Variants in TARP observed in about 807,000 individuals in gnomAD.
chr7:38,273,119 C>A, the TARP span, among the ~76,000 whole-genome samples: 3 of 150,320 alleles, frequency 2.0e-5, no homozygotes, highest in Admixed American at 6.7e-5. Flanking sequence ...ACAATAAATG[C>A]AGCTTATGTT....
the TARP span, among the ~76,000 whole-genome samples, chr7:38,266,326 A>G: frequency 7.0e-6 from 1 of 143,092 alleles, no homozygotes; most frequent in Non-Finnish European, 1.6e-5. Context: ...GTTGTTGTTG[A>G]GACTGGGGCT....
At chr7:38,262,992 A>T in the TARP span, among the ~76,000 whole-genome samples, 1 of 151,596 alleles carries the variant, frequency 6.6e-6, no homozygotes, top group Non-Finnish European at 1.5e-5. Flanking sequence ...CCACAACAGA[A>T]TCTTACATAT....
the TARP span, chr7:38,265,521 C>G: frequency 6.2e-7 from 1 of 1,612,128 alleles, no homozygotes; most frequent in African/African-American, 1.4e-5. Context: ...ATCCCAGAAT[C>G]GTGTTGCTCT....
chr7:38,264,136 A>G, the TARP span, among the ~76,000 whole-genome samples: 1 of 151,984 alleles, frequency 6.6e-6, no homozygotes, highest in African/African-American at 2.4e-5. Flanking sequence ...TATCTCCTTG[A>G]AAAGCACTTC....
At chr7:38,265,356 T>G in the TARP span, 10 of 1,609,436 alleles carry the variant, frequency 6.2e-6, no homozygotes, top group Non-Finnish European at 8.5e-6. Context: ...TACCTGTCTT[T>G]ATTGGAGGAA....
chr7:38,267,519 T>C, the TARP span, among the ~76,000 whole-genome samples: 4,349 of 151,092 alleles, frequency 0.029, 135 homozygotes, highest in East Asian at 0.13. Context: ...TGATAATTTC[T>C]GTCTGTGTAG....
chr7:38,271,512 CAAT>C, the TARP span, among the ~76,000 whole-genome samples: 1 of 149,704 alleles, frequency 6.7e-6, no homozygotes, highest in Non-Finnish European at 1.5e-5. Flanking sequence ...GAAATGAACT[CAAT>C]GATGCTAGTT....
the TARP span, among the ~76,000 whole-genome samples, chr7:38,262,908 C>T: frequency 6.6e-6 from 1 of 151,588 alleles, no homozygotes; most frequent in African/African-American, 2.4e-5. Flanking sequence ...ATCTTCCTGC[C>T]TTGTCCTCAC....
the TARP span, among the ~76,000 whole-genome samples, chr7:38,271,890 C>CT: frequency 6.6e-6 from 1 of 151,152 alleles, no homozygotes; most frequent in South Asian, 2.1e-4. Context: ...TAATTTTTAA[C>CT]TTTGAAAGTA....
chr7:38,261,294 T>C, the TARP span, among the ~76,000 whole-genome samples: 2 of 151,728 alleles, frequency 1.3e-5, no homozygotes, highest in Non-Finnish European at 2.9e-5. Context: ...AACTCTTTGT[T>C]TGATGGCCTG....
the TARP span, chr7:38,265,793 T>G: frequency 1.3e-6 from 1 of 789,480 alleles, no homozygotes; most frequent in Non-Finnish European, 2.0e-6. Flanking sequence ...ATTGAGCTGG[T>G]GTCCACTGCG....
chr7:38,273,612 A>T, the TARP span: 2 of 1,598,194 alleles, frequency 1.3e-6, no homozygotes, highest in Non-Finnish European at 1.7e-6. Context: ...TTGTTCCGGG[A>T]CCAAATACCT....
At chr7:38,269,683 A>G in the TARP span, 1 of 569,754 alleles carries the variant, frequency 1.8e-6, no homozygotes, top group African/African-American at 1.9e-5. Flanking sequence ...CACAAATCAA[A>G]TAACTTAAAG....
chr7:38,261,870 C>CAAAAA, the TARP span, among the ~76,000 whole-genome samples: 1 of 52,446 alleles, frequency 1.9e-5, no homozygotes, highest in East Asian at 5.2e-4. Context: ...AGACTCTGTC[C>CAAAAA]AAAAAAAAAA....
the TARP span, among the ~76,000 whole-genome samples, chr7:38,268,069 C>T: frequency 2.6e-5 from 4 of 151,014 alleles, no homozygotes; most frequent in Non-Finnish European, 4.4e-5. Flanking sequence ...ATGGTAAGGG[C>T]CGATATTGTG....
chr7:38,272,100 GA>G, the TARP span, among the ~76,000 whole-genome samples: 3 of 151,098 alleles, frequency 2.0e-5, no homozygotes, highest in African/African-American at 4.9e-5. Flanking sequence ...ATTACTTTTA[GA>G]AGCAGGTACA....
the TARP span, among the ~76,000 whole-genome samples, chr7:38,264,781 T>C: frequency 6.6e-6 from 1 of 151,606 alleles, no homozygotes; most frequent in East Asian, 1.9e-4. Context: ...CACATTTGCC[T>C]CCCCTTTGTG....
the TARP span, chr7:38,262,263 T>C: frequency 7.0e-7 from 1 of 1,423,906 alleles, no homozygotes; most frequent in South Asian, 1.2e-5. Context: ...CGTGTGTGTG[T>C]GTGTAATTAA....
chr7:38,264,637 A>C, the TARP span, among the ~76,000 whole-genome samples: 1 of 151,600 alleles, frequency 6.6e-6, no homozygotes, highest in African/African-American at 2.4e-5. Context: ...GTAAAGGAAA[A>C]CACATTATAA....
Sources: gnomAD v4.1 joint callset for allele counts (sites outside exome capture counted in the v4.1 genomes callset) on GRCh38, gnomAD v4.1.1 for gene constraint, MANE v1.5 for transcripts.